Variants in FGF13 observed in about 807,000 individuals in gnomAD.
The protein encoded by FGF13 is fibroblast growth factor 13.
In FGF13, 2 loss-of-function variants were observed where a neutral mutation model predicts 19.5. That is an observed-to-expected ratio of 0.10 (90% confidence interval 0.04 to 0.32). The LOEUF (loss-of-function observed/expected upper bound fraction) is 0.32. FGF13 is among the 10% of genes least tolerant of loss of function. FGF13 has a pLI of 1.00. For synonymous variants in FGF13, 72 were observed against 76.9 expected (o/e 0.94, Z 0.33); for missense variants, 113 against 192.7 (o/e 0.59, Z 2.45).
chrX:138,768,090 G>A (rs761587833), intron 3 of FGF13, among the ~76,000 whole-genome samples: 1 of 112,037 alleles, frequency 8.9e-6, no homozygotes, highest in East Asian at 2.8e-4. Context: ...GATCACTACT[G>A]TCATGAACCC....
rs1224788198 is a variant in FGF13 at position 138,616,179 on chromosome X, A to C, written c.*16671T>G. On this transcript the variant is annotated 3_prime_UTR_variant, in exon 5 of 5. Transcript: ENST00000315930. ...CCCAGAAGTCCAAGTCCAAAGTCTC[A>C]TCTGAGACAAAGCAAGTCCCTTCCA... The C allele has an allele frequency of 8.9e-6, 1 of 112,260 alleles. No individual in the cohort carries two copies. Among genetic ancestry groups the C allele is most frequent in the East Asian group, 2.8e-4 (1 of 3,566 alleles). The allele number at this position is 112,260 out of a possible 1,213,427, so 9.3% of individuals were successfully genotyped here. A position where few individuals can be genotyped will look rare whatever the true frequency, so the allele number is the denominator to read the frequency against.
intron 1 of FGF13, among the ~76,000 whole-genome samples, chrX:138,967,775 A>C (rs2091900934): frequency 1.8e-5 from 2 of 111,797 alleles, no homozygotes. Context: ...GATGGGATTT[A>C]TTTATAGCCA....
chrX:138,731,102 T>C (rs2090226901), intron 1 of FGF13, among the ~76,000 whole-genome samples: 1 of 111,383 alleles, frequency 9.0e-6, no homozygotes. Context: ...AAAGAAAACA[T>C]AGGTAAATCC....
intron 1 of FGF13, among the ~76,000 whole-genome samples, chrX:139,035,451 G>C (rs960873062): frequency 9.0e-6 from 1 of 111,449 alleles, no homozygotes; most frequent in Non-Finnish European, 1.9e-5. Flanking sequence ...ATGCAGCTAT[G>C]GTTTTGTTAT....
intron 1 of FGF13, among the ~76,000 whole-genome samples, chrX:138,933,212 T>C (rs910910771): frequency 8.9e-6 from 1 of 112,106 alleles, no homozygotes. Flanking sequence ...GACCATGTCA[T>C]AGTCATCCTT....
intron 1 of FGF13, among the ~76,000 whole-genome samples, chrX:139,151,134 T>C (rs775944816): frequency 3.0e-4 from 34 of 111,574 alleles, no homozygotes; most frequent in Non-Finnish European, 6.2e-4. Flanking sequence ...CAATGGTTTT[T>C]GGCTCTCGAG....
chrX:138,828,570 A>C (rs1895655780), intron 3 of FGF13, among the ~76,000 whole-genome samples: 1 of 78,495 alleles, frequency 1.3e-5, no homozygotes, highest in Non-Finnish European at 2.5e-5. Context: ...ACTCCGTCTC[A>C]AAAAAAAAAA....
intron 3 of FGF13, among the ~76,000 whole-genome samples, chrX:138,639,765 C>T (rs1305702646): frequency 4.5e-5 from 5 of 110,219 alleles, no homozygotes; most frequent in Non-Finnish European, 9.5e-5. Context: ...CTGAGGCAGG[C>T]GGATCCTGAG....
At chrX:138,779,568 T>C (rs1339960931) in intron 3 of FGF13, among the ~76,000 whole-genome samples, 13 of 108,818 alleles carry the variant, frequency 1.2e-4, no homozygotes, top group Admixed American at 6.9e-4. Flanking sequence ...GTATCAGCAA[T>C]GGAAGATGAA....
intron 3 of FGF13, among the ~76,000 whole-genome samples, chrX:138,824,913 T>C (rs769000505): frequency 9.8e-5 from 11 of 111,990 alleles, no homozygotes; most frequent in Non-Finnish European, 2.1e-4. Flanking sequence ...AAGAACAATA[T>C]TCATGCTCAA....
intron 1 of FGF13, among the ~76,000 whole-genome samples, chrX:139,105,100 A>T (rs1422737687): frequency 9.0e-6 from 1 of 110,805 alleles, no homozygotes. Context: ...TCAGTAGGAC[A>T]TAGGATCAAT....
rs1350812152 is a variant in FGF13 at position 139,070,751 on chromosome X, G to A, written c.-113+132665C>T. On this transcript the variant is annotated intron_variant, in intron 1 of 2. Coordinates refer to the FGF13 transcript ENST00000421460. ...CACAAATGCCCATCAATGATAGAGTGGATAAAGAAAATGAAGAAAATGTGG... is the reference window on the plus strand; with the variant it reads ...CACAAATGCCCATCAATGATAGAGTAGATAAAGAAAATGAAGAAAATGTGG... Among the ~76,000 whole-genome samples, 4 of 111,966 alleles carry A rather than the reference G, an allele frequency of 3.6e-5. No homozygotes were observed. In the South Asian group the frequency reaches 1.1e-3, roughly 31 times the overall value.
At chrX:139,100,578 G>C (rs986289762) in intron 1 of FGF13, among the ~76,000 whole-genome samples, 1 of 111,030 alleles carries the variant, frequency 9.0e-6, no homozygotes, top group Admixed American at 9.6e-5. Context: ...ACCATGATGA[G>C]AACTCTTCAG....
At chrX:138,816,442 C>G (rs745994755) in intron 3 of FGF13, among the ~76,000 whole-genome samples, 1 of 111,899 alleles carries the variant, frequency 8.9e-6, no homozygotes, top group African/African-American at 3.2e-5. Flanking sequence ...TGTATTTTGA[C>G]CCAGCAATCG....
chrX:138,872,241 A>G (rs987044329), intron 1 of FGF13, among the ~76,000 whole-genome samples: 1 of 112,008 alleles, frequency 8.9e-6, no homozygotes, highest in African/African-American at 3.2e-5. Context: ...TGGGATATAC[A>G]TTTCACAAAC....
chrX:138,967,090 T>C (rs1298022500), intron 1 of FGF13, among the ~76,000 whole-genome samples: 4 of 110,985 alleles, frequency 3.6e-5, no homozygotes, highest in Admixed American at 1.9e-4. Flanking sequence ...CTTGGGTATG[T>C]CCTTATAGCA....
chrX:138,825,476 T>G (rs1175119560), intron 3 of FGF13, among the ~76,000 whole-genome samples: 2 of 111,860 alleles, frequency 1.8e-5, no homozygotes, highest in Non-Finnish European at 3.8e-5. Context: ...TTGCTTTTAC[T>G]TCAAAGGAAA....
At chrX:138,903,309 C>T (rs1361089208) in intron 1 of FGF13, among the ~76,000 whole-genome samples, 1 of 111,640 alleles carries the variant, frequency 9.0e-6, no homozygotes, top group East Asian at 2.8e-4. Context: ...TTTCTTATGG[C>T]GTCGAGATGT....
At chrX:138,860,164 T>C (rs888481120) in intron 2 of FGF13, among the ~76,000 whole-genome samples, 1 of 112,059 alleles carries the variant, frequency 8.9e-6, no homozygotes, top group Non-Finnish European at 1.9e-5. Flanking sequence ...CGCTGGCTTA[T>C]AAAATCTCTT....
Sources: allele counts gnomAD v4.1 joint callset (sites outside exome capture counted in the v4.1 genomes callset), GRCh38; gene constraint gnomAD v4.1.1; transcripts MANE v1.5; gene names NCBI Gene and HGNC (gene_info 2026-07-23, HGNC 2026-07-21).